The following MEGF11 variants were observed in gnomAD, a reference collection of about 807,000 sequenced individuals.
MEGF11 encodes the protein multiple EGF like domains 11, also known as multiple epidermal growth factor-like domains protein 11.
MEGF11 carries 126 observed loss-of-function variants against 146.6 expected under a neutral mutation model. The ratio of observed to expected loss-of-function variants is 0.86; its 90% CI spans 0.74 to 1.00. MEGF11 has a LOEUF of 1.00. Among genes scored for constraint, MEGF11 ranks in the 50% least tolerant of loss-of-function variants. The pLI, the probability that MEGF11 is intolerant of heterozygous loss-of-function variation, is 0.00. For synonymous variants in MEGF11, 532 were observed against 583.4 expected (o/e 0.91, Z 1.27); for missense variants, 1,509 against 1,521.2 (o/e 0.99, Z 0.13).
intron 5 of MEGF11, among the ~76,000 whole-genome samples, chr15:65,984,525 CAAAAAAAAAAAAA>C (rs35017296): frequency 8.1e-5 from 4 of 49,520 alleles, no homozygotes; most frequent in Admixed American, 3.6e-4. Flanking sequence ...GACTCCGTGT[CAAAAAAAAAAAAA>C]AAAAAAAAAA....
At chr15:65,936,334 G>T (rs1444412027) in intron 10 of MEGF11, among the ~76,000 whole-genome samples, 1 of 152,188 alleles carries the variant, frequency 6.6e-6, no homozygotes, top group African/African-American at 2.4e-5. Flanking sequence ...CGTGGGGATG[G>T]ATCTGATTGC....
chr15:66,112,347 GA>G (rs1202916179), intron 4 of MEGF11, among the ~76,000 whole-genome samples: 1 of 152,072 alleles, frequency 6.6e-6, no homozygotes, highest in African/African-American at 2.4e-5. Context: ...TCCTAGAAAT[GA>G]AAAAAGAAAC....
intron 1 of MEGF11, among the ~76,000 whole-genome samples, chr15:66,140,858 T>C (rs997204): frequency 0.34 from 52,124 of 152,018 alleles, 9,211 homozygotes; most frequent in East Asian, 0.45. Context: ...AGCCGGGTAT[T>C]GGGTACTAAT....
At chr15:66,239,580 C>G (rs908228685) in intron 1 of MEGF11, among the ~76,000 whole-genome samples, 4 of 152,214 alleles carry the variant, frequency 2.6e-5, no homozygotes, top group African/African-American at 9.7e-5. Flanking sequence ...GGGTGGAGAG[C>G]TAGGCCACCA....
intron 5 of MEGF11, among the ~76,000 whole-genome samples, chr15:66,008,418 C>T (rs1225235105): frequency 1.2e-5 from 1 of 85,074 alleles, no homozygotes; most frequent in Non-Finnish European, 2.6e-5. Flanking sequence ...CGCGCACACA[C>T]ACACACACAC....
intron 1 of MEGF11, among the ~76,000 whole-genome samples, chr15:66,233,983 T>C (rs1184423922): frequency 2.1e-5 from 3 of 144,730 alleles, no homozygotes; most frequent in Non-Finnish European, 4.5e-5. Flanking sequence ...GGTGTTTTGC[T>C]CTGTCACCCA....
intron 10 of MEGF11, among the ~76,000 whole-genome samples, chr15:65,945,843 T>C (rs2080173455): frequency 6.6e-6 from 1 of 152,176 alleles, no homozygotes; most frequent in Non-Finnish European, 1.5e-5. Context: ...TGAGGATCAC[T>C]CTGGGTTTAC....
intron 1 of MEGF11, among the ~76,000 whole-genome samples, chr15:66,178,733 C>G (rs1307427532): frequency 6.6e-6 from 1 of 152,114 alleles, no homozygotes; most frequent in Non-Finnish European, 1.5e-5. Context: ...TCCTGGGTCC[C>G]AGCCCTTCAG....
chr15:65,947,858 C>T (rs188199946), intron 10 of MEGF11, among the ~76,000 whole-genome samples: 1 of 152,312 alleles, frequency 6.6e-6, no homozygotes, highest in East Asian at 1.9e-4. Context: ...TGAGACAAAG[C>T]CCCAGCCCAG....
chr15:66,128,554 G>C (rs2088493987), intron 1 of MEGF11, 143 bp from the exon 2 acceptor site: 1 of 444,182 alleles, frequency 2.3e-6, no homozygotes, highest in Admixed American at 4.4e-5. Flanking sequence ...CACTGGTTCT[G>C]AGTAACAGGA....
intron 2 of MEGF11, 75 bp from the exon 3 acceptor site, chr15:66,124,075 G>A: frequency 1.6e-6 from 2 of 1,217,964 alleles, no homozygotes; most frequent in Non-Finnish European, 2.4e-6. Flanking sequence ...GGGCATCTGA[G>A]CCCACAGCCC....
At chr15:66,099,204 C>CTTTTTTTTTTT (rs10683767) in intron 4 of MEGF11, among the ~76,000 whole-genome samples, 11 of 105,874 alleles carry the variant, frequency 1.0e-4, no homozygotes, top group East Asian at 2.7e-4. Flanking sequence ...CCTCCTTTTT[C>CTTTTTTTTTTT]TTTTTTTTTT....
rs57047424 is a variant in MEGF11, at chr15:65,976,040, C to CT, written c.762+4737dup. ...GCTGAAGTGTACCCCTTCAACATTC[C>CT]TTTTTTTTTTTTTTTTTTTTGAGAT... On this transcript the variant is annotated intron_variant, in intron 7 of 25. Coordinates refer to ENST00000395614, the MANE Select transcript of MEGF11 (RefSeq NM_001385028.1). Among the ~76,000 whole-genome samples, 199 of 102,044 alleles carry CT rather than the reference C, an allele frequency of 2.0e-3. 4 individuals are homozygous for CT. The highest frequency in any genetic ancestry group is 5.9e-3 in the African/African-American group (166 of 28,008). The allele number at this position is 102,044 out of a possible 152,430, so 66.9% of individuals were successfully genotyped here.
chr15:65,987,574 A>G (rs1490259051), intron 5 of MEGF11, among the ~76,000 whole-genome samples: 1 of 152,180 alleles, frequency 6.6e-6, no homozygotes, highest in Non-Finnish European at 1.5e-5. Context: ...AATTACATTC[A>G]CAGTGTTGCA....
chr15:66,208,412 A>C (rs550193170), intron 1 of MEGF11, among the ~76,000 whole-genome samples: 1 of 152,212 alleles, frequency 6.6e-6, no homozygotes, highest in Non-Finnish European at 1.5e-5. Context: ...ATAATCCCCA[A>C]GAAGACCAGA....
At chr15:66,082,624 C>A (rs188366805) in intron 5 of MEGF11, among the ~76,000 whole-genome samples, 4 of 116,108 alleles carry the variant, frequency 3.4e-5, no homozygotes, top group Non-Finnish European at 6.5e-5. Context: ...GAGCCAAGAT[C>A]GTGCCACTGT....
intron 5 of MEGF11, among the ~76,000 whole-genome samples, chr15:66,063,401 G>T (rs2084985956): frequency 6.6e-6 from 1 of 152,200 alleles, no homozygotes; most frequent in Admixed American, 6.5e-5. Context: ...AGCAATGAGA[G>T]AACTTGCCAG....
chr15:66,088,636 C>T (rs923757140), intron 5 of MEGF11, among the ~76,000 whole-genome samples: 1 of 142,128 alleles, frequency 7.0e-6, no homozygotes, highest in East Asian at 2.1e-4. Context: ...GCCTGGGCGA[C>T]AGAGCAAGAC....
intron 7 of MEGF11, among the ~76,000 whole-genome samples, chr15:65,978,457 G>A (rs1252132701): frequency 1.3e-5 from 2 of 152,172 alleles, no homozygotes; most frequent in Admixed American, 1.3e-4. Context: ...GGCTTCTATC[G>A]ACAGTTTCCT....
Sources: allele counts gnomAD v4.1 joint callset (sites outside exome capture counted in the v4.1 genomes callset), GRCh38; gene constraint gnomAD v4.1.1; transcripts MANE v1.5; gene names NCBI Gene and HGNC (gene_info 2026-07-23, HGNC 2026-07-21).